Variants in PCYT2 observed in about 807,000 individuals in gnomAD.
PCYT2 encodes the protein ethanolamine-phosphate cytidylyltransferase.
In PCYT2, 33 loss-of-function variants were observed where a neutral mutation model predicts 50.0. The ratio of observed to expected loss-of-function variants is 0.66; its 90% confidence interval spans 0.50 to 0.88. PCYT2 has a LOEUF of 0.88. PCYT2 is among the 40% of genes least tolerant of loss of function. The pLI is 0.00. For missense variants in PCYT2, 430 were observed against 519.7 expected (o/e 0.83, Z 1.68); for synonymous variants, 240 against 203.7 (o/e 1.18, Z -1.52).
intron 1 of PCYT2, 100 bp from the exon 2 acceptor site, chr17:81,909,702 G>A: frequency 3.4e-6 from 3 of 883,226 alleles, no homozygotes; most frequent in Non-Finnish European, 5.7e-6. Context: ...GGACTCCTTA[G>A]GAAGCGCTCT....
At chr17:81,905,640 G>C in intron 10 of PCYT2, 30 bp downstream of exon 10, 1 of 1,604,004 alleles carries the variant, frequency 6.2e-7, no homozygotes, top group Non-Finnish European at 8.5e-7. Flanking sequence ...GTGAACAGAG[G>C]GAACGAGGTG....
chr17:81,905,829 G>A (rs567944893), intron 9 of PCYT2, 94 bp from the exon 10 acceptor site: 136 of 1,305,268 alleles, frequency 1.0e-4, no homozygotes, highest in African/African-American at 5.1e-4. Flanking sequence ...GACATGGGGC[G>A]GGGCTGCCAG....
chr17:81,906,590 G>GC (rs753081952), intron 7 of PCYT2, 44 bp from the exon 8 acceptor site: 2 of 1,594,072 alleles, frequency 1.3e-6, no homozygotes, highest in Non-Finnish European at 1.7e-6. Flanking sequence ...ATGACAGGGA[G>GC]CAGCTCCCTG....
In PCYT2 at chr17:81,902,830, T is replaced by C; in HGVS notation, c.*2003A>G. The C allele has an allele frequency of 7.6e-7, 1 of 1,323,438 alleles. No individual in the cohort carries two copies. Among genetic ancestry groups the C allele is most frequent in the African/African-American group, 1.5e-5 (1 of 65,872 alleles). 82.0% of individuals were successfully genotyped at this position (1,323,438 alleles called of 1,614,324 possible). ...GACCCCAGGCCCCTCCGGCGCGGGATGGCGCCCCAGGTCTCCCCTACTCCG... is the reference window on the plus strand; with the variant it reads ...GACCCCAGGCCCCTCCGGCGCGGGACGGCGCCCCAGGTCTCCCCTACTCCG... On this transcript the variant is annotated 3_prime_UTR_variant, in exon 13 of 13. Transcript: ENST00000538936.
chr17:81,902,535 G>C lies in PCYT2; in HGVS notation c.*2298C>G. The C allele has an allele frequency of 6.8e-7, 1 of 1,463,342 alleles. No homozygotes were observed. Among genetic ancestry groups the C allele is most frequent in the Non-Finnish European group, 9.0e-7 (1 of 1,114,566 alleles). 90.6% of individuals were successfully genotyped at this position (1,463,342 alleles called of 1,614,324 possible). The stretch of plus-strand genomic sequence containing the variant: ...CCAGGCTGCGGAGCCTCGTGAGTCC[G>C]GCGTGCCGGGGACTGATGGGGGGCG... On this transcript the variant is annotated 3_prime_UTR_variant, in exon 13 of 13. Coordinates refer to ENST00000538936, the MANE Select transcript of PCYT2 (RefSeq NM_002861.5).
Position 81,905,652 on chromosome 17 carries a change from G to C in PCYT2, c.903+18C>G, listed in dbSNP as rs2040221088. On this transcript the variant is annotated intron_variant, in intron 10 of 12. Transcript: ENST00000538936. ...GAGGTGAACAGAGGGAACGAGGTGAGCCCATGCGGAGCCTCACCTTGAAGT... is the reference window on the plus strand; with the variant it reads ...GAGGTGAACAGAGGGAACGAGGTGACCCCATGCGGAGCCTCACCTTGAAGT... 6.2e-7 allele frequency: 1 copy of C among 1,610,134 alleles called. No homozygotes were observed. Among genetic ancestry groups the C allele is most frequent in the Non-Finnish European group, 8.5e-7 (1 of 1,177,062 alleles).
intron 2 of PCYT2, 42 bp downstream of exon 2, chr17:81,909,472 A>C: frequency 6.4e-7 from 1 of 1,564,754 alleles, no homozygotes; most frequent in Admixed American, 1.7e-5. Context: ...AACCCACAGG[A>C]GGGCTGGGGG....
chr17:81,909,443 G>T, intron 2 of PCYT2, 71 bp downstream of exon 2: 1 of 1,522,238 alleles, frequency 6.6e-7, no homozygotes, highest in Non-Finnish European at 9.1e-7. Context: ...AGGCCTGCAG[G>T]CTTTCAGTCA....
intron 5 of PCYT2, 47 bp from the exon 6 acceptor site, chr17:81,907,645 TG>T (rs1380958324): frequency 6.2e-7 from 1 of 1,605,960 alleles, no homozygotes; most frequent in Admixed American, 1.7e-5. Context: ...CCTCCCGGCG[TG>T]GCCACCCCAG....
chr17:81,907,449 G>T, intron 6 of PCYT2, 105 bp downstream of exon 6: 1 of 1,306,448 alleles, frequency 7.7e-7, no homozygotes, highest in Non-Finnish European at 1.1e-6. Flanking sequence ...AGAGGGAGGA[G>T]GGTGAGGCTC....
rs748551528 is a variant in PCYT2, at chr17:81,903,820, C to T, written c.*1013G>A. On this transcript the variant is annotated 3_prime_UTR_variant, in exon 13 of 13. Transcript: ENST00000538936. Reference sequence around the variant, plus strand: ...CAGGTGCTGTAGGGCAGAGGCCATTCTGGAGAGGAATGTGGGGCTGAAAAA... The same window carrying T: ...CAGGTGCTGTAGGGCAGAGGCCATTTTGGAGAGGAATGTGGGGCTGAAAAA... The T allele has an allele frequency of 2.0e-5, 3 of 152,318 alleles. No individual in the cohort carries two copies. Among genetic ancestry groups the T allele is most frequent in the East Asian group, 1.9e-4 (1 of 5,198 alleles). The allele number at this position is 152,318 out of a possible 1,614,324, so 9.4% of individuals were successfully genotyped here.
At position 81,904,789 on chromosome 17, in the gene PCYT2, G is replaced by T. The variant is rs2230473; in HGVS notation, c.*44C>A. The T allele has an allele frequency of 2.2e-6, 3 of 1,338,876 alleles. No homozygotes were observed. The highest frequency in any genetic ancestry group is 3.2e-6 in the Non-Finnish European group (3 of 951,234). The allele number at this position is 1,338,876 out of a possible 1,614,324, so 82.9% of individuals were successfully genotyped here. On this transcript the variant is annotated 3_prime_UTR_variant, in exon 13 of 13. Coordinates refer to ENST00000538936, the MANE Select transcript of PCYT2 (RefSeq NM_002861.5). ...AGTCCTATGTCCAAACGCAGAAGGC[G>T]CAGAAGCAGAGCAGGGGGAGGGCCG...
At chr17:81,905,486 G>GGCTCCTGA in intron 10 of PCYT2, 39 bp from the exon 11 acceptor site, 1 of 1,547,616 alleles carries the variant, frequency 6.5e-7, no homozygotes, top group Non-Finnish European at 8.8e-7. Context: ...CCCCGGGGAG[G>GGCTCCTGA]CAGCGGCCGT....
Position 81,909,502 on chromosome 17 carries a change from A to C in PCYT2, c.178+12T>G, listed in dbSNP as rs1224600272. The C allele has an allele frequency of 4.3e-6, 7 of 1,609,220 alleles. No homozygotes were observed. On this transcript the variant is annotated intron_variant, in intron 2 of 12. Transcript: ENST00000538936. ...TGGGGGGCCGCGGGTGGGCGAGGCC[A>C]TCTGTGCTTACCATCGGTGTGCACG...
Position 81,908,591 on chromosome 17 carries a change from T to C in PCYT2, c.384A>G (p.Glu128=), listed in dbSNP as rs781536589. The C allele has an allele frequency of 1.9e-6, 3 of 1,613,704 alleles. No individual in the cohort carries two copies. The highest frequency in any genetic ancestry group is 2.5e-6 in the Non-Finnish European group (3 of 1,179,798). The change falls in exon 4 of 13, where the codon GAA becomes GAG. Residue 128 remains glutamate (E), a synonymous_variant. Coordinates refer to ENST00000538936, the MANE Select transcript of PCYT2 (RefSeq NM_002861.5). ...ACCTGTACCTCCCAGCCTGCTTTACTTCCTCATAGGTGTCCCGGCCATCTA... is the reference window on the plus strand; with the variant it reads ...ACCTGTACCTCCCAGCCTGCTTTACCTCCTCATAGGTGTCCCGGCCATCTA... The part of the protein sequence containing the change: ...LTVDGRDTYE[E]VKQAGRYREC...
chr17:81,902,796 C>T lies in PCYT2; in HGVS notation c.*2037G>A. 1 of 1,548,750 alleles carries T rather than the reference C, an allele frequency of 6.5e-7. No homozygotes were observed. The highest frequency in any genetic ancestry group is 1.4e-5 in the African/African-American group (1 of 72,002). ...CTGGGGGCCCCCCGCCCCCACCGTC[C>T]CACTCGGTGACCCCAGGCCCCTCCG... On this transcript the variant is annotated 3_prime_UTR_variant, in exon 13 of 13. Transcript: ENST00000538936.
intron 10 of PCYT2, 58 bp downstream of exon 10, chr17:81,905,612 G>T: frequency 6.4e-7 from 1 of 1,556,614 alleles, no homozygotes; most frequent in African/African-American, 1.4e-5. Flanking sequence ...TGCATTCCCA[G>T]CCCATGCAGG....
intron 8 of PCYT2, 44 bp from the exon 9 acceptor site, chr17:81,906,221 G>A (rs780628285): frequency 2.0e-6 from 3 of 1,535,608 alleles, no homozygotes; most frequent in Non-Finnish European, 8.9e-7. Context: ...ACTTTTTGGG[G>A]GGACAGGGTG....
Position 81,902,218 on chromosome 17 carries a change from G to T in PCYT2, c.*2615C>A. On this transcript the variant is annotated 3_prime_UTR_variant, in exon 13 of 13. Coordinates refer to ENST00000538936, the MANE Select transcript of PCYT2 (RefSeq NM_002861.5). ...CCGCCCTCGCCGCAGATATAAGGCG[G>T]CCCAGGCGGTGGCTGCTCCGAGCCC... 3 of 1,210,006 alleles carry T rather than the reference G, an allele frequency of 2.5e-6. No individual in the cohort carries two copies. The highest frequency in any genetic ancestry group is 2.1e-6 in the Non-Finnish European group (2 of 973,882). The allele number at this position is 1,210,006 out of a possible 1,614,324, so 75.0% of individuals were successfully genotyped here.
Sources: allele counts gnomAD v4.1 joint callset, GRCh38; gene constraint gnomAD v4.1.1; transcripts MANE v1.5; gene names NCBI Gene and HGNC (gene_info 2026-07-23, HGNC 2026-07-21).